The following ST18 variants were observed in gnomAD, a reference collection of about 807,000 sequenced individuals.
ST18 encodes suppression of tumorigenicity 18 protein.
In ST18, 50 loss-of-function variants were observed where a neutral mutation model predicts 110.0. That is an observed-to-expected ratio of 0.45 (90% CI 0.36 to 0.58). The LOEUF (loss-of-function observed/expected upper bound fraction) is 0.58. Among genes scored for constraint, ST18 ranks in the 20% least tolerant of loss-of-function variants. The pLI, the probability that ST18 is intolerant of heterozygous loss-of-function variation, is 0.00. For synonymous variants in ST18, 461 were observed against 452.4 expected (o/e 1.02, Z -0.24); for missense variants, 1,306 against 1,280.1 (o/e 1.02, Z -0.31).
chr8:52,237,772 C>T (rs974881620), intron 2 of ST18, among the ~76,000 whole-genome samples: 2 of 152,280 alleles, frequency 1.3e-5, no homozygotes, highest in Middle Eastern at 3.4e-3. Context: ...CAGGAATGAC[C>T]TTTGCTGATT....
At chr8:52,183,784 T>C (rs1472720065) in intron 8 of ST18, among the ~76,000 whole-genome samples, 1 of 152,216 alleles carries the variant, frequency 6.6e-6, no homozygotes, top group Non-Finnish European at 1.5e-5. Flanking sequence ...TACAGAGATT[T>C]ACGCAATGCA....
chr8:52,259,442 C>A (rs1308429287), intron 2 of ST18, among the ~76,000 whole-genome samples: 1 of 152,038 alleles, frequency 6.6e-6, no homozygotes, highest in Non-Finnish European at 1.5e-5. Flanking sequence ...CTGGGTAATT[C>A]CTGGATCTAT....
intron 2 of ST18, among the ~76,000 whole-genome samples, chr8:52,394,864 T>G (rs1451790303): frequency 6.6e-6 from 1 of 152,222 alleles, no homozygotes; most frequent in Admixed American, 6.5e-5. Flanking sequence ...ACCAGTCTTC[T>G]GTGCTTGGTA....
intron 2 of ST18, among the ~76,000 whole-genome samples, chr8:52,232,286 T>G (rs928223022): frequency 3.3e-5 from 5 of 152,170 alleles, no homozygotes; most frequent in Non-Finnish European, 7.3e-5. Flanking sequence ...GCCATTCGTG[T>G]CAAGAAAGAA....
intron 3 of ST18, among the ~76,000 whole-genome samples, chr8:52,227,718 CT>C (rs1465575639): frequency 6.6e-6 from 1 of 152,176 alleles, no homozygotes; most frequent in Admixed American, 6.5e-5. Context: ...CAAGATCTGT[CT>C]GCTGAAATGT....
At chr8:52,243,542 T>A (rs1440954510) in intron 2 of ST18, among the ~76,000 whole-genome samples, 2 of 152,086 alleles carry the variant, frequency 1.3e-5, no homozygotes, top group Non-Finnish European at 1.5e-5. Flanking sequence ...TTGGGCTCAA[T>A]CTGGGTTCAA....
chr8:52,122,747 A>T (rs4352875), intron 23 of ST18, among the ~76,000 whole-genome samples: 1 of 151,942 alleles, frequency 6.6e-6, no homozygotes, highest in African/African-American at 2.4e-5. Flanking sequence ...TCGGCCTCCC[A>T]AAGTTCTGGG....
chr8:52,300,577 T>A (rs1165636044), intron 2 of ST18, among the ~76,000 whole-genome samples: 1 of 152,216 alleles, frequency 6.6e-6, no homozygotes, highest in East Asian at 1.9e-4. Flanking sequence ...TGTTTTTGTA[T>A]GACCCTCGAT....
chr8:52,364,594 T>C lies in ST18; in HGVS notation c.-465+44734A>G, dbSNP rs114142370. ...CATTTCAAATGCTCTATTATCATTA[T>C]GACCAAATCTACTGACACCAACATG... On this transcript the variant is annotated intron_variant, in intron 2 of 25. Transcript: ENST00000689386. Among the ~76,000 whole-genome samples, 512 of 152,358 alleles carry C rather than the reference T, an allele frequency of 3.4e-3. 3 individuals are homozygous for C. Among genetic ancestry groups the C allele is most frequent in the African/African-American group, 0.011 (442 of 41,580 alleles).
At chr8:52,237,119 A>G (rs1207228021) in intron 2 of ST18, among the ~76,000 whole-genome samples, 2 of 152,246 alleles carry the variant, frequency 1.3e-5, no homozygotes, top group Non-Finnish European at 2.9e-5. Context: ...TGCCATGGAT[A>G]AAAGGCATAG....
intron 8 of ST18, chr8:52,199,199 G>A (rs999590001): frequency 7.3e-5 from 11 of 151,628 alleles, no homozygotes; most frequent in East Asian, 1.9e-4. Context: ...TCCGTGACAC[G>A]GTTCTGAGCC....
chr8:52,281,909 G>A (rs2095385684), intron 2 of ST18, among the ~76,000 whole-genome samples: 1 of 152,168 alleles, frequency 6.6e-6, no homozygotes. Context: ...TGGGAGATGG[G>A]TGAAGGATAT....
intron 8 of ST18, chr8:52,206,627 C>T (rs749639990): frequency 2.6e-5 from 4 of 152,218 alleles, no homozygotes; most frequent in African/African-American, 7.2e-5. Flanking sequence ...CACTTCTCTT[C>T]TAAATTAATT....
intron 2 of ST18, among the ~76,000 whole-genome samples, chr8:52,385,425 C>T (rs950944812): frequency 1.3e-5 from 2 of 152,066 alleles, no homozygotes; most frequent in Non-Finnish European, 2.9e-5. Context: ...CATGGTGAAA[C>T]CCCATCTCTA....
intron 6 of ST18, among the ~76,000 whole-genome samples, chr8:52,215,740 A>G (rs1445636507): frequency 6.6e-6 from 1 of 152,196 alleles, no homozygotes; most frequent in African/African-American, 2.4e-5. Context: ...CCTTCTTTTC[A>G]GACCACATGA....
chr8:52,247,078 TGG>T (rs1270091023), intron 2 of ST18, among the ~76,000 whole-genome samples: 1 of 152,142 alleles, frequency 6.6e-6, no homozygotes, highest in Non-Finnish European at 1.5e-5. Flanking sequence ...TCCTCTTAGA[TGG>T]GGATCCTTAG....
At position 52,193,619 on chromosome 8, in the gene ST18, C is replaced by G. The variant is rs147765404; in HGVS notation, c.87-13307G>C. 2.2e-3 allele frequency among the ~76,000 whole-genome samples: 336 copies of G among 152,230 alleles called. 1 individual carries two copies. The highest frequency in any genetic ancestry group is 3.7e-3 in the Non-Finnish European group (253 of 68,030). ...TGCGTGATACACAATCTGTACATGG[C>G]TAACTGGACTGTATTTTTAGGAAAT... On this transcript the variant is annotated intron_variant, in intron 8 of 25. Coordinates refer to ENST00000689386, the MANE Select transcript of ST18 (RefSeq NM_001352837.2).
chr8:52,163,836 C>A, intron 13 of ST18, 150 bp downstream of exon 13: 1 of 541,906 alleles, frequency 1.8e-6, no homozygotes, highest in East Asian at 2.9e-5. Flanking sequence ...AGACCAGCCT[C>A]TGGTCTAGTG....
At chr8:52,362,124 G>C (rs1825988893) in intron 2 of ST18, among the ~76,000 whole-genome samples, 1 of 152,100 alleles carries the variant, frequency 6.6e-6, no homozygotes, top group African/African-American at 2.4e-5. Flanking sequence ...ATTTGAACCT[G>C]GGATGTTTTC....
Sources: allele counts gnomAD v4.1 joint callset (sites outside exome capture counted in the v4.1 genomes callset), GRCh38; gene constraint gnomAD v4.1.1; transcripts MANE v1.5; gene names NCBI Gene and HGNC (gene_info 2026-07-23, HGNC 2026-07-21).